Variants in AFG1L observed in about 807,000 individuals in gnomAD.
The protein encoded by AFG1L is AFG1-like ATPase.
Under a neutral mutation model 62.2 loss-of-function variants are expected in AFG1L, and 53 were observed. That is an observed-to-expected ratio of 0.85 (90% CI 0.68 to 1.07). AFG1L has a LOEUF of 1.07. AFG1L is among the 50% of genes least tolerant of loss of function. The pLI is 0.00. For synonymous variants in AFG1L, 228 were observed against 210.3 expected, an observed-to-expected ratio of 1.08 and a Z score of -0.73; for missense variants, 555 against 590.5, an observed-to-expected ratio of 0.94 and a Z score of 0.62.
At chr6:108,512,572 G>A (rs1774696843) in intron 11 of AFG1L, among the ~76,000 whole-genome samples, 1 of 151,994 alleles carries the variant, frequency 6.6e-6, no homozygotes, top group Non-Finnish European at 1.5e-5. Context: ...GACAACAGAG[G>A]GGCATGAATA....
intron 10 of AFG1L, among the ~76,000 whole-genome samples, chr6:108,486,041 G>A (rs72938695): frequency 0.16 from 23,831 of 151,916 alleles, 2,084 homozygotes; most frequent in South Asian, 0.29. Flanking sequence ...ACTTTTAGTA[G>A]TAAATGTATC....
At chr6:108,446,509 T>G (rs1031079645) in intron 7 of AFG1L, among the ~76,000 whole-genome samples, 39 of 147,862 alleles carry the variant, frequency 2.6e-4, no homozygotes, top group South Asian at 8.9e-4. Flanking sequence ...TTTTTTTTTT[T>G]TTTGTGTGTG....
chr6:108,491,343 T>C lies in AFG1L; in HGVS notation c.1062+14051T>C, dbSNP rs1008454606. ...GTTACTCAGAAGTGATGATTTTTACTGGCACTTGTACCTTTCATAAATGGA... is the reference window on the plus strand; with the variant it reads ...GTTACTCAGAAGTGATGATTTTTACCGGCACTTGTACCTTTCATAAATGGA... On this transcript the variant is annotated intron_variant, in intron 10 of 12. Transcript: ENST00000368977. 2.6e-5 allele frequency among the ~76,000 whole-genome samples: 4 copies of C among 152,330 alleles called. No individual in the cohort carries two copies. In the South Asian group the frequency reaches 8.3e-4, roughly 32 times the overall value.
intron 7 of AFG1L, among the ~76,000 whole-genome samples, chr6:108,440,131 A>G (rs1771477149): frequency 6.6e-6 from 1 of 152,152 alleles, no homozygotes; most frequent in African/African-American, 2.4e-5. Context: ...ATATTGTTTG[A>G]ATGTTTTATA....
intron 6 of AFG1L, among the ~76,000 whole-genome samples, chr6:108,400,678 A>G (rs1223578524): frequency 3.1e-5 from 3 of 97,316 alleles, no homozygotes; most frequent in African/African-American, 1.2e-4. Context: ...TATATATTAT[A>G]TATTATATAA....
At chr6:108,344,213 G>C (rs1211769738) in intron 2 of AFG1L, among the ~76,000 whole-genome samples, 1 of 152,012 alleles carries the variant, frequency 6.6e-6, no homozygotes, top group African/African-American at 2.4e-5. Context: ...CCTGGTTCAA[G>C]GTGATTCTCC....
intron 2 of AFG1L, among the ~76,000 whole-genome samples, chr6:108,327,529 C>T (rs557229453): frequency 6.6e-6 from 1 of 152,290 alleles, no homozygotes; most frequent in South Asian, 2.1e-4. Flanking sequence ...TCACTGTGTC[C>T]TCACATGGCT....
intron 1 of AFG1L, among the ~76,000 whole-genome samples, chr6:108,310,960 A>T (rs951800970): frequency 8.5e-5 from 13 of 152,078 alleles, no homozygotes; most frequent in African/African-American, 3.1e-4. Flanking sequence ...CCAACTGGTT[A>T]TCTATGGTAT....
intron 5 of AFG1L, chr6:108,359,005 T>C (rs1168099748): frequency 6.6e-6 from 1 of 152,246 alleles, no homozygotes; most frequent in African/African-American, 2.4e-5. Context: ...ATGATACTTT[T>C]AGGGATCAAG....
At position 108,414,098 on chromosome 6, in the gene AFG1L, C is replaced by T. The variant is rs531306428; in HGVS notation, c.807+12044C>T. ...AAAATGATAAATGGGACATCACCAC[C>T]GATCCCACAGAAATACAAACTACCA... On this transcript the variant is annotated intron_variant, in intron 7 of 12. Transcript: ENST00000368977. Among the ~76,000 whole-genome samples, 213 of 152,124 alleles carry T rather than the reference C, an allele frequency of 1.4e-3. 1 individual carries two copies. Among genetic ancestry groups the T allele is most frequent in the African/African-American group, 4.4e-3 (184 of 41,502 alleles).
Position 108,408,459 on chromosome 6 carries a change from C to T in AFG1L, c.807+6405C>T, listed in dbSNP as rs546261073. On this transcript the variant is annotated intron_variant, in intron 7 of 12. Coordinates refer to ENST00000368977, the MANE Select transcript of AFG1L (RefSeq NM_145315.5). ...GCAGATATCTGGAGCTTTTCTTTTG[C>T]ATAGCATTTTCCTGTGCTGAACTCT... Among the ~76,000 whole-genome samples the T allele has an allele frequency of 5.3e-4, 81 of 152,332 alleles. 1 individual carries two copies. The highest frequency in any genetic ancestry group is 1.7e-3 in the South Asian group (8 of 4,832).
At chr6:108,491,131 T>C (rs983318510) in intron 10 of AFG1L, among the ~76,000 whole-genome samples, 2 of 152,190 alleles carry the variant, frequency 1.3e-5, no homozygotes, top group Admixed American at 1.3e-4. Flanking sequence ...AATTAAATTT[T>C]TTAAAAATCA....
intron 10 of AFG1L, among the ~76,000 whole-genome samples, chr6:108,485,647 TATATATA>T (rs1463620430): frequency 8.5e-4 from 19 of 22,464 alleles, no homozygotes; most frequent in Non-Finnish European, 1.2e-3. Flanking sequence ...TATATATATA[TATATATA>T]TATTTTTTTT....
chr6:108,329,693 G>A (rs1244620390), intron 2 of AFG1L, among the ~76,000 whole-genome samples: 6 of 151,746 alleles, frequency 4.0e-5, no homozygotes, highest in South Asian at 4.2e-4. Flanking sequence ...GTGTAAAGAC[G>A]ACACAGACCT....
At chr6:108,309,533 A>T (rs1278088972) in intron 1 of AFG1L, among the ~76,000 whole-genome samples, 3 of 152,188 alleles carry the variant, frequency 2.0e-5, no homozygotes, top group Admixed American at 6.5e-5. Context: ...TGGGGAACTA[A>T]ATTTTTAATT....
chr6:108,413,751 T>C (rs971876639), intron 7 of AFG1L, among the ~76,000 whole-genome samples: 1 of 152,002 alleles, frequency 6.6e-6, no homozygotes, highest in African/African-American at 2.4e-5. Context: ...CCAGAATCTC[T>C]GGGACACATT....
At chr6:108,440,802 C>A (rs1322219753) in intron 7 of AFG1L, among the ~76,000 whole-genome samples, 1 of 149,078 alleles carries the variant, frequency 6.7e-6, no homozygotes, top group African/African-American at 2.5e-5. Context: ...GCCTGCACAA[C>A]AGAGTGAGAC....
intron 4 of AFG1L, among the ~76,000 whole-genome samples, chr6:108,356,126 T>G (rs1177367341): frequency 1.3e-5 from 2 of 152,216 alleles, no homozygotes; most frequent in Non-Finnish European, 2.9e-5. Context: ...CATGTAAGCT[T>G]TATTGCTTTG....
intron 3 of AFG1L, among the ~76,000 whole-genome samples, chr6:108,352,354 C>A (rs1468137059): frequency 1.3e-5 from 2 of 152,064 alleles, no homozygotes; most frequent in Non-Finnish European, 2.9e-5. Flanking sequence ...GAATAATATA[C>A]TTGGTATTCA....
Sources: allele counts gnomAD v4.1 joint callset (sites outside exome capture counted in the v4.1 genomes callset), GRCh38; gene constraint gnomAD v4.1.1; transcripts MANE v1.5; gene names NCBI Gene and HGNC (gene_info 2026-07-23, HGNC 2026-07-21).